RBM19: variants seen among roughly 807,000 people sequenced by gnomAD.
RBM19 encodes the protein probable RNA-binding protein 19.
A neutral mutation model predicts 116.8 loss-of-function variants in RBM19; 94 were observed. That is an observed-to-expected ratio of 0.80 (90% confidence interval 0.68 to 0.95). RBM19 has a LOEUF of 0.95. RBM19 is among the 40% of genes least tolerant of loss of function. The pLI, the probability that RBM19 is intolerant of heterozygous loss-of-function variation, is 0.00. For missense variants in RBM19, 1,161 were observed against 1,220.7 expected, an observed-to-expected ratio of 0.95 and a Z score of 0.73; for synonymous variants, 475 against 494.1, an observed-to-expected ratio of 0.96 and a Z score of 0.51.
At chr12:113,964,031 T>C (rs1872688590) in intron 1 of RBM19, among the ~76,000 whole-genome samples, 1 of 152,250 alleles carries the variant, frequency 6.6e-6, no homozygotes, top group Non-Finnish European at 1.5e-5. Flanking sequence ...CACATGTCAG[T>C]GATGCACCTT....
intron 21 of RBM19, among the ~76,000 whole-genome samples, chr12:113,904,797 C>A (rs1050161075): frequency 6.6e-6 from 1 of 152,088 alleles, no homozygotes; most frequent in South Asian, 2.1e-4. Flanking sequence ...GTGTGTGGAG[C>A]GGGGCTGTGA....
At chr12:113,889,670 CAACAAAA>C (rs1880805172) in intron 21 of RBM19, among the ~76,000 whole-genome samples, 2 of 64,178 alleles carry the variant, frequency 3.1e-5, no homozygotes, top group South Asian at 1.1e-3. Flanking sequence ...AACAAACAAA[CAACAAAA>C]AAAAAAACAA....
intron 22 of RBM19, among the ~76,000 whole-genome samples, chr12:113,855,297 G>A (rs1382536763): frequency 6.6e-6 from 1 of 152,298 alleles, no homozygotes; most frequent in Non-Finnish European, 1.5e-5. Flanking sequence ...TTGAGATACC[G>A]GGGAGCAAGC....
intron 21 of RBM19, among the ~76,000 whole-genome samples, chr12:113,872,299 G>T (rs1410304823): frequency 6.7e-6 from 1 of 148,300 alleles, no homozygotes; most frequent in Admixed American, 6.7e-5. Flanking sequence ...CAACCACCCC[G>T]TCTGAGAAGT....
At chr12:113,942,558 T>G (rs948546708) in intron 13 of RBM19, 124 bp from the exon 14 acceptor site, 1 of 706,676 alleles carries the variant, frequency 1.4e-6, no homozygotes. Context: ...GCCGCTCACC[T>G]TCCTACATTG....
Position 113,947,462 on chromosome 12 carries a change from G to T in RBM19, c.1279C>A (p.Pro427Thr). 1 of 1,595,932 alleles carries T rather than the reference G, an allele frequency of 6.3e-7. No individual in the cohort carries two copies. The highest frequency in any genetic ancestry group is 8.6e-7 in the Non-Finnish European group (1 of 1,165,390). The change falls in exon 11 of 24, where the codon CCC becomes ACC. Residue 427 changes from proline to threonine, a missense_variant and splice_region_variant. Transcript: ENST00000261741. ...DLEKLFSKYG[P>T]LSELHYPIDS... Reference sequence around the variant, plus strand: ...ATGGGGTAGTGGAGCTCAGACAGGGGACCTGAGGACAGGAGAAGTGTCGGT... The same window carrying T: ...ATGGGGTAGTGGAGCTCAGACAGGGTACCTGAGGACAGGAGAAGTGTCGGT...
chr12:113,827,166 A>G (rs2135683138), intron 23 of RBM19, among the ~76,000 whole-genome samples: 1 of 152,322 alleles, frequency 6.6e-6, no homozygotes, highest in East Asian at 1.9e-4. Context: ...ATAATGCAGA[A>G]CCGGAGAAAG....
intron 12 of RBM19, 122 bp from the exon 13 acceptor site, chr12:113,946,046 C>T: frequency 1.1e-6 from 1 of 930,714 alleles, no homozygotes. Context: ...CCCCAATTTC[C>T]CTATCATGGG....
chr12:113,918,284 T>C (rs552858803), intron 20 of RBM19, 108 bp downstream of exon 20: 7 of 1,056,584 alleles, frequency 6.6e-6, no homozygotes, highest in Admixed American at 1.8e-5. Context: ...GGTAAAGGGA[T>C]AGGTGGAAAG....
intron 20 of RBM19, among the ~76,000 whole-genome samples, chr12:113,917,567 C>T (rs1308221329): frequency 6.6e-6 from 1 of 152,172 alleles, no homozygotes; most frequent in Non-Finnish European, 1.5e-5. Context: ...TCACAGGAAG[C>T]ATTAACAACA....
intron 11 of RBM19, 69 bp downstream of exon 11, chr12:113,947,265 C>G: frequency 6.6e-7 from 1 of 1,519,802 alleles, no homozygotes; most frequent in Non-Finnish European, 8.9e-7. Context: ...CATACACACA[C>G]ACACACACCA....
chr12:113,927,295 C>A, intron 16 of RBM19, 66 bp from the exon 17 acceptor site: 1 of 1,503,534 alleles, frequency 6.7e-7, no homozygotes, highest in East Asian at 2.5e-5. Context: ...GTCAAACCCA[C>A]CAGAGCCCTG....
chr12:113,862,910 T>C (rs903067856), intron 21 of RBM19, among the ~76,000 whole-genome samples: 1 of 152,170 alleles, frequency 6.6e-6, no homozygotes, highest in South Asian at 2.1e-4. Flanking sequence ...ACTTTTCCAA[T>C]TATTTCATTC....
chr12:113,901,249 A>C (rs530727798), intron 21 of RBM19, among the ~76,000 whole-genome samples: 1 of 152,236 alleles, frequency 6.6e-6, no homozygotes, highest in South Asian at 2.1e-4. Flanking sequence ...AAACTGTATA[A>C]ATTGTCTATA....
rs1363674976 is a variant in RBM19 at position 113,879,594 on chromosome 12, C to T, written c.2559-20698G>A. ...TTGTCCATTCCTTCCTCCTACGCCC[C>T]GCTTCCACCATGGCTGGATGGCTCA... On this transcript the variant is annotated intron_variant, in intron 21 of 23. Transcript: ENST00000261741. Among the ~76,000 whole-genome samples the T allele has an allele frequency of 8.6e-5, 13 of 151,948 alleles. No homozygotes were observed. The South Asian group carries it at 2.1e-3, about 24-fold the overall frequency.
chr12:113,911,702 G>A (rs1215322300), intron 21 of RBM19, among the ~76,000 whole-genome samples: 1 of 152,154 alleles, frequency 6.6e-6, no homozygotes, highest in African/African-American at 2.4e-5. Flanking sequence ...CTCTGGAGCT[G>A]GTTTCTTCAC....
intron 21 of RBM19, among the ~76,000 whole-genome samples, chr12:113,912,570 T>C (rs1882500161): frequency 6.6e-6 from 1 of 152,238 alleles, no homozygotes; most frequent in Non-Finnish European, 1.5e-5. Flanking sequence ...CTCCAGTTTC[T>C]GTCTGGGTGC....
intron 6 of RBM19, among the ~76,000 whole-genome samples, chr12:113,956,980 T>C (rs1354137910): frequency 6.6e-6 from 1 of 152,204 alleles, no homozygotes; most frequent in Non-Finnish European, 1.5e-5. Context: ...TGCTGATGAC[T>C]GGTCTGCACC....
At chr12:113,878,980 TAGGAGGCAGAACTA>T (rs1879881539) in intron 21 of RBM19, among the ~76,000 whole-genome samples, 1 of 152,094 alleles carries the variant, frequency 6.6e-6, no homozygotes, top group Admixed American at 6.5e-5. Flanking sequence ...GGGCTGCCTG[TAGGAGGCAGAACTA>T]AGAACTAGAC....
Sources: allele counts gnomAD v4.1 joint callset (sites outside exome capture counted in the v4.1 genomes callset), GRCh38; gene constraint gnomAD v4.1.1; transcripts MANE v1.5; gene names NCBI Gene and HGNC (gene_info 2026-07-23, HGNC 2026-07-21).